VCPIP1: variants seen among roughly 807,000 people sequenced by gnomAD.
The protein encoded by VCPIP1 is valosin containing protein interacting protein 1.
In VCPIP1, 8 loss-of-function variants were observed where a neutral mutation model predicts 85.0. That is an observed-to-expected ratio of 0.09 (90% CI 0.06 to 0.17). The LOEUF (loss-of-function observed/expected upper bound fraction) is 0.17. Among genes scored for constraint, VCPIP1 ranks in the 10% least tolerant of loss-of-function variants. The pLI, the probability that VCPIP1 is intolerant of heterozygous loss-of-function variation, is 1.00. For synonymous variants in VCPIP1, 543 were observed against 544.5 expected (o/e 1.00, Z 0.04); for missense variants, 1,070 against 1,486.3 (o/e 0.72, Z 4.61).
At chr8:66,658,063 C>T (rs934635588) in intron 1 of VCPIP1, among the ~76,000 whole-genome samples, 3 of 152,116 alleles carry the variant, frequency 2.0e-5, no homozygotes, top group Non-Finnish European at 4.4e-5. Context: ...CAGCCAGACA[C>T]GGTGGCTCAC....
At chr8:66,645,866 G>A (rs1374621415) in intron 2 of VCPIP1, among the ~76,000 whole-genome samples, 3 of 151,812 alleles carry the variant, frequency 2.0e-5, no homozygotes, top group East Asian at 1.9e-4. Context: ...GTAGGTCAAC[G>A]ATGCAGTAAA....
Position 66,634,816 on chromosome 8 carries a change from A to G in VCPIP1, c.3354T>C (p.Ala1118=), listed in dbSNP as rs765361818. The G allele has an allele frequency of 6.2e-6, 10 of 1,614,084 alleles. No homozygotes were observed. The highest frequency in any genetic ancestry group is 6.8e-6 in the Non-Finnish European group (8 of 1,180,048). The part of the protein sequence containing the change: ...KLQEMVSSIQ[A]SMDRHLRDQS... ...GATCCCGAAGGTGCCTGTCCATTGA[A>G]GCCTGAATAGAAGAAACCATTTCCT... The change falls in exon 3 of 3, where the codon GCT becomes GCC. Residue 1118 remains alanine (A), a synonymous_variant. Coordinates refer to ENST00000310421, the MANE Select transcript of VCPIP1 (RefSeq NM_025054.5).
At chr8:66,641,514 T>C (rs1218485822) in intron 2 of VCPIP1, among the ~76,000 whole-genome samples, 1 of 152,174 alleles carries the variant, frequency 6.6e-6, no homozygotes, top group East Asian at 1.9e-4. Flanking sequence ...CATGAGCTAC[T>C]GTGCATAGCC....
chr8:66,652,567 C>T (rs1811064326), intron 1 of VCPIP1, among the ~76,000 whole-genome samples: 4 of 151,030 alleles, frequency 2.6e-5, no homozygotes, highest in Admixed American at 6.6e-5. Flanking sequence ...GAGCTGAGAT[C>T]GTGCCATTGC....
At position 66,666,472 on chromosome 8, in the gene VCPIP1, G is replaced by T; in HGVS notation, c.487C>A (p.Leu163Met). 6.2e-7 allele frequency: 1 copy of T among 1,614,214 alleles called. No individual in the cohort carries two copies. The highest frequency in any genetic ancestry group is 8.5e-7 in the Non-Finnish European group (1 of 1,180,036). ...NQGELFDCAL[L>M]GDRAFLIEPE... Reference sequence around the variant, plus strand: ...TCTATGAGGAAGGCGCGGTCACCCAGTAAGGCGCAATCGAACAGTTCGCCC... The same window carrying T: ...TCTATGAGGAAGGCGCGGTCACCCATTAAGGCGCAATCGAACAGTTCGCCC... Residue 163 changes from leucine to methionine, a missense_variant, in exon 1 of 3, where the codon CTG (leucine) becomes ATG (methionine). By Grantham distance (15) the Leu-to-Met change is conservative. Transcript: ENST00000310421. This position sits in a 1 kb window ranked among gnomAD's most constrained non-coding sequence, Gnocchi z 6.3.
chr8:66,654,430 C>T (rs1183823965), intron 1 of VCPIP1, among the ~76,000 whole-genome samples: 1 of 152,210 alleles, frequency 6.6e-6, no homozygotes, highest in East Asian at 1.9e-4. Context: ...GAGCCGAGGT[C>T]GTGCCACAGC....
intron 1 of VCPIP1, among the ~76,000 whole-genome samples, chr8:66,654,821 T>C (rs1811084702): frequency 6.6e-6 from 1 of 152,182 alleles, no homozygotes. Flanking sequence ...CCCTCCTCTA[T>C]ACAGCATTCA....
intron 2 of VCPIP1, among the ~76,000 whole-genome samples, chr8:66,645,416 C>T (rs1444443055): frequency 6.6e-6 from 1 of 151,860 alleles, no homozygotes; most frequent in Non-Finnish European, 1.5e-5. Context: ...AAGACTCCAT[C>T]TCAAAAAATA....
At chr8:66,646,350 G>C (rs186917766) in intron 2 of VCPIP1, among the ~76,000 whole-genome samples, 83 of 152,178 alleles carry the variant, frequency 5.5e-4, no homozygotes, top group Admixed American at 2.8e-3. Flanking sequence ...TGGGATAACA[G>C]GCCACTGTGC....
rs1191319061 is a variant in VCPIP1, at chr8:66,630,836, A to G, written c.*3665T>C. 2 of 152,576 alleles carry G rather than the reference A, an allele frequency of 1.3e-5. No individual in the cohort carries two copies. The highest frequency in any genetic ancestry group is 2.9e-5 in the Non-Finnish European group (2 of 67,982). The allele number at this position is 152,576 out of a possible 1,614,324, so 9.5% of individuals were successfully genotyped here. On this transcript the variant is annotated 3_prime_UTR_variant, in exon 3 of 3. Transcript: ENST00000310421. Reference sequence around the variant, plus strand: ...TCAAGAATGGTAGAACTTGTAATTAACTCTATAACTTACATGGGTGATATA... The same window carrying G: ...TCAAGAATGGTAGAACTTGTAATTAGCTCTATAACTTACATGGGTGATATA...
chr8:66,664,836 T>C lies in VCPIP1; in HGVS notation c.2123A>G (p.Asn708Ser), dbSNP rs775513826. ...KTKTLHKEELNMSKTERTIQQ... is the reference protein window; with the variant it reads ...KTKTLHKEELSMSKTERTIQQ... ...AATAGTTCTTTCAGTTTTACTCATG[T>C]TTAACTCCTCCTTGTGCAAAGTTTT... is the stretch of plus-strand genomic sequence containing the variant. The change falls in exon 1 of 3, where the codon AAC becomes AGC. Residue 708 changes from asparagine to serine, a missense_variant. This residue lies in a region of VCPIP1 where 278 missense variants were observed against 298.5 expected (regional missense o/e 0.93). Transcript: ENST00000310421. The C allele has an allele frequency of 6.2e-6, 10 of 1,613,710 alleles. No individual in the cohort carries two copies. The African/African-American group carries it at 1.3e-4, about 22-fold the overall frequency.
At chr8:66,644,460 G>T (rs1351963358) in intron 2 of VCPIP1, among the ~76,000 whole-genome samples, 1 of 152,100 alleles carries the variant, frequency 6.6e-6, no homozygotes, top group African/African-American at 2.4e-5. Flanking sequence ...TGTAGGAAAA[G>T]AGCATCTCAC....
At chr8:66,649,043 G>A (rs10100928) in intron 2 of VCPIP1, among the ~76,000 whole-genome samples, 1,664 of 152,106 alleles carry the variant, frequency 0.011, 26 homozygotes, top group African/African-American at 0.038. Context: ...TATGCCTGTA[G>A]TCCCAGCTAC....
At chr8:66,639,046 G>A (rs1276820681) in intron 2 of VCPIP1, among the ~76,000 whole-genome samples, 1 of 150,866 alleles carries the variant, frequency 6.6e-6, no homozygotes, top group East Asian at 1.9e-4. Flanking sequence ...ACAGTGGTGT[G>A]TGATCATGGC....
At position 66,634,721 on chromosome 8, in the gene VCPIP1, G is replaced by C. The variant is rs1810867151; in HGVS notation, c.3449C>G (p.Ser1150Cys). The C allele has an allele frequency of 6.2e-7, 1 of 1,614,096 alleles. No homozygotes were observed. Among genetic ancestry groups the C allele is most frequent in the Non-Finnish European group, 8.5e-7 (1 of 1,180,054 alleles). ...AGGCAAACCAGTCTGAAGACTCCCAGACTTTGCAGAAGAACTCACAACTTC... is the reference window on the plus strand; with the variant it reads ...AGGCAAACCAGTCTGAAGACTCCCACACTTTGCAGAAGAACTCACAACTTC... ...KTEVVSSSAK[S>C]GSLQTGLPES... Residue 1150 changes from serine (S) to cysteine (C), a missense_variant, in exon 3 of 3, where the codon TCT (serine) becomes TGT (cysteine). Around this residue, in one of 8 missense-constraint regions of VCPIP1, gnomAD observed 255 missense variants for 289.5 expected, o/e 0.88. Coordinates refer to ENST00000310421, the MANE Select transcript of VCPIP1 (RefSeq NM_025054.5).
intron 2 of VCPIP1, among the ~76,000 whole-genome samples, chr8:66,646,462 C>A (rs955077657): frequency 4.6e-5 from 7 of 152,134 alleles, no homozygotes; most frequent in African/African-American, 1.4e-4. Flanking sequence ...AATAAAAATC[C>A]TGGCAGACTC....
chr8:66,664,624 T>G lies in VCPIP1; in HGVS notation c.2335A>C (p.Ile779Leu). ...GACTGTCGTCCATCATTAGTTGTGA[T>G]TCGGATCTTCTTCTCCTTAGAAGTT... is the stretch of plus-strand genomic sequence containing the variant. ...PTTSKEKKIR[I>L]TTNDGRQSMV... is the part of the protein sequence containing the mutation. The change falls in exon 1 of 3, where the codon ATC becomes CTC. Residue 779 changes from isoleucine to leucine, a missense_variant. By Grantham distance (5) the Ile-to-Leu change is conservative. Coordinates refer to ENST00000310421, the MANE Select transcript of VCPIP1 (RefSeq NM_025054.5). The G allele has an allele frequency of 6.2e-7, 1 of 1,614,056 alleles. No individual in the cohort carries two copies. Among genetic ancestry groups the G allele is most frequent in the Non-Finnish European group, 8.5e-7 (1 of 1,179,972 alleles).
intron 2 of VCPIP1, among the ~76,000 whole-genome samples, chr8:66,643,605 A>C (rs1206647497): frequency 6.6e-6 from 1 of 152,000 alleles, no homozygotes; most frequent in African/African-American, 2.4e-5. Flanking sequence ...GGGGAGGCTG[A>C]GGCATGAGAA....
chr8:66,639,874 GATA>G (rs934712163), intron 2 of VCPIP1, among the ~76,000 whole-genome samples: 11 of 151,984 alleles, frequency 7.2e-5, no homozygotes, highest in Admixed American at 3.3e-4. Context: ...TGATGATGAT[GATA>G]ATAATAAATG....
Sources: allele counts gnomAD v4.1 joint callset (sites outside exome capture counted in the v4.1 genomes callset), GRCh38; gene constraint gnomAD v4.1.1; regional missense constraint gnomAD v4.1.1; non-coding constraint Gnocchi (gnomAD v3.1); transcripts MANE v1.5; gene names NCBI Gene and HGNC (gene_info 2026-07-23, HGNC 2026-07-21).